SNTB1: variants seen among roughly 807,000 people sequenced by gnomAD.
SNTB1 encodes beta-1-syntrophin.
SNTB1 carries 36 observed loss-of-function variants against 48.9 expected under a neutral mutation model. The observed-to-expected ratio is 0.74, with a 90% confidence interval of 0.56 to 0.97. The LOEUF is 0.97. Among genes scored for constraint, SNTB1 ranks in the 50% least tolerant of loss-of-function variants. The pLI is 0.00. For synonymous variants in SNTB1, 299 were observed against 294.6 expected, an observed-to-expected ratio of 1.01 and a Z score of -0.15; for missense variants, 786 against 703.4, an observed-to-expected ratio of 1.12 and a Z score of -1.33.
chr8:120,587,649 T>C (rs2130703247), intron 3 of SNTB1, among the ~76,000 whole-genome samples: 1 of 152,338 alleles, frequency 6.6e-6, no homozygotes, highest in South Asian at 2.1e-4. Flanking sequence ...CTGTAAACCG[T>C]TTAAGCATCA....
At chr8:120,732,948 G>A (rs1286625566) in intron 1 of SNTB1, among the ~76,000 whole-genome samples, 1 of 152,154 alleles carries the variant, frequency 6.6e-6, no homozygotes, top group Non-Finnish European at 1.5e-5. Context: ...TTATACTTTG[G>A]GATAAAACAC....
intron 2 of SNTB1, among the ~76,000 whole-genome samples, chr8:120,643,015 G>A (rs1817222014): frequency 6.6e-6 from 1 of 152,198 alleles, no homozygotes; most frequent in South Asian, 2.1e-4. Flanking sequence ...TCTGGCTCAG[G>A]AATTTGCAGT....
At position 120,812,025 on chromosome 8, in the gene SNTB1, T is replaced by A. The variant is rs1820450266; in HGVS notation, c.-182A>T. The A allele has an allele frequency of 4.0e-6, 5 of 1,263,022 alleles. No homozygotes were observed. Among genetic ancestry groups the A allele is most frequent in the Non-Finnish European group, 5.0e-6 (5 of 1,009,684 alleles). The allele number at this position is 1,263,022 out of a possible 1,614,324, so 78.2% of individuals were successfully genotyped here. The stretch of plus-strand genomic sequence containing the variant: ...ACTCGGCGGGAGTTGGCAGCTGCAC[T>A]CAGGCTGGTTCCCCCTCGCCTGATC... On this transcript the variant is annotated 5_prime_UTR_variant, in exon 1 of 7. Coordinates refer to ENST00000517992, the MANE Select transcript of SNTB1 (RefSeq NM_021021.4).
chr8:120,635,019 T>G (rs75185125), intron 2 of SNTB1, among the ~76,000 whole-genome samples: 1 of 152,080 alleles, frequency 6.6e-6, no homozygotes, highest in Non-Finnish European at 1.5e-5. Flanking sequence ...ACCCAGCTAA[T>G]TTTTTTGGTA....
At chr8:120,565,492 C>G (rs959777246) in intron 4 of SNTB1, among the ~76,000 whole-genome samples, 1 of 152,144 alleles carries the variant, frequency 6.6e-6, no homozygotes, top group African/African-American at 2.4e-5. Context: ...AGAACCCACG[C>G]TCTGGAGCAT....
chr8:120,712,414 CAAAAAAAA>C (rs370583854), intron 1 of SNTB1, among the ~76,000 whole-genome samples: 13,904 of 81,382 alleles, frequency 0.17, 670 homozygotes, highest in Admixed American at 0.2. Context: ...GACTCCATCT[CAAAAAAAA>C]AAAAAAAAAA....
chr8:120,675,615 T>C (rs1279270691), intron 2 of SNTB1, among the ~76,000 whole-genome samples: 1 of 152,152 alleles, frequency 6.6e-6, no homozygotes, highest in Non-Finnish European at 1.5e-5. Context: ...CTTCCAGTCA[T>C]ATTTCATTAG....
intron 3 of SNTB1, among the ~76,000 whole-genome samples, chr8:120,581,692 G>A (rs1456663118): frequency 6.6e-6 from 1 of 152,082 alleles, no homozygotes; most frequent in East Asian, 1.9e-4. Context: ...GAAAAGGATG[G>A]CAAGAAAAAT....
intron 3 of SNTB1, among the ~76,000 whole-genome samples, chr8:120,588,408 A>G (rs1482086648): frequency 6.6e-6 from 1 of 152,106 alleles, no homozygotes; most frequent in East Asian, 1.9e-4. Flanking sequence ...AAAAAAAAAA[A>G]CAAGAATTGA....
chr8:120,582,348 G>A (rs1816061780), intron 3 of SNTB1, among the ~76,000 whole-genome samples: 1 of 151,708 alleles, frequency 6.6e-6, no homozygotes, highest in African/African-American at 2.4e-5. Flanking sequence ...TCAAGTCAAT[G>A]GTCTCAGCTT....
intron 1 of SNTB1, among the ~76,000 whole-genome samples, chr8:120,695,140 T>C (rs1818191272): frequency 6.6e-6 from 1 of 152,188 alleles, no homozygotes; most frequent in South Asian, 2.1e-4. Flanking sequence ...CACTGCTGCC[T>C]CAGGAGATTG....
chr8:120,607,570 A>T (rs1030049793), intron 3 of SNTB1, among the ~76,000 whole-genome samples: 1 of 152,226 alleles, frequency 6.6e-6, no homozygotes, highest in Non-Finnish European at 1.5e-5. Context: ...TTTTCATTCC[A>T]GCAATGAAAG....
intron 3 of SNTB1, among the ~76,000 whole-genome samples, chr8:120,584,044 T>G (rs1816092768): frequency 6.6e-6 from 1 of 152,212 alleles, no homozygotes; most frequent in South Asian, 2.1e-4. Flanking sequence ...TCTGGCGTGG[T>G]GGCTCACGCT....
Position 120,811,801 on chromosome 8 carries a change from C to G in SNTB1, c.43G>C (p.Ala15Pro). The G allele has an allele frequency of 7.1e-7, 1 of 1,406,852 alleles. No homozygotes were observed. The highest frequency in any genetic ancestry group is 9.2e-7 in the Non-Finnish European group (1 of 1,082,330). The allele number at this position is 1,406,852 out of a possible 1,614,324, so 87.1% of individuals were successfully genotyped here. A position where few individuals can be genotyped will look rare whatever the true frequency, so the allele number is the denominator to read the frequency against. The stretch of plus-strand genomic sequence containing the variant: ...CTCCGCTGCGCCCGGCCGCCTCCCG[C>G]GCCAGCCGGCCCAGCCGCCGCCGCC... ...AAAAAAGPAGAGGGRAQRSGL... is the reference protein window; with the variant it reads ...AAAAAAGPAGPGGGRAQRSGL... Residue 15 changes from alanine (A) to proline (P), a missense_variant, in exon 1 of 7, where the codon GCG becomes CCG. Physicochemically the swap from Ala to Pro is conservative, Grantham distance 27. Transcript: ENST00000517992.
At chr8:120,593,119 TA>T (rs202212669) in intron 3 of SNTB1, among the ~76,000 whole-genome samples, 2 of 151,608 alleles carry the variant, frequency 1.3e-5, no homozygotes, top group Non-Finnish European at 1.5e-5. Context: ...TTCTCAAACT[TA>T]AAAAAAAATC....
chr8:120,603,685 G>A (rs1347792242), intron 3 of SNTB1, among the ~76,000 whole-genome samples: 1 of 152,180 alleles, frequency 6.6e-6, no homozygotes, highest in Non-Finnish European at 1.5e-5. Flanking sequence ...ACACGACACT[G>A]TGCCCATATG....
chr8:120,703,228 G>T (rs944171744), intron 1 of SNTB1, among the ~76,000 whole-genome samples: 5 of 152,182 alleles, frequency 3.3e-5, no homozygotes. Context: ...GGGTTCAAGC[G>T]ATTCTCCTGC....
At chr8:120,760,668 A>G (rs1366914012) in intron 1 of SNTB1, among the ~76,000 whole-genome samples, 1 of 152,088 alleles carries the variant, frequency 6.6e-6, no homozygotes, top group Non-Finnish European at 1.5e-5. Flanking sequence ...CCATTTTTAA[A>G]TACACCCAGA....
intron 2 of SNTB1, among the ~76,000 whole-genome samples, chr8:120,668,419 A>G (rs761950695): frequency 9.9e-5 from 15 of 152,240 alleles, no homozygotes; most frequent in Non-Finnish European, 1.5e-4. Flanking sequence ...GTCTTCTACC[A>G]TGCTTTTTCA....
Sources: allele counts gnomAD v4.1 joint callset (sites outside exome capture counted in the v4.1 genomes callset), GRCh38; gene constraint gnomAD v4.1.1; transcripts MANE v1.5; gene names NCBI Gene and HGNC (gene_info 2026-07-23, HGNC 2026-07-21).